Variants in PHTF1 observed in about 807,000 individuals in gnomAD.
The protein encoded by PHTF1 is putative homeodomain transcription factor 1.
PHTF1 carries 88 observed loss-of-function variants against 102.4 expected under a neutral mutation model. The ratio of observed to expected loss-of-function variants is 0.86; its 90% CI spans 0.72 to 1.03. The LOEUF is 1.03. PHTF1 is among the 50% of genes least tolerant of loss of function. PHTF1 has a pLI of 0.00. For missense variants in PHTF1, 814 were observed against 909.5 expected, an observed-to-expected ratio of 0.89 and a Z score of 1.35; for synonymous variants, 289 against 305.2, an observed-to-expected ratio of 0.95 and a Z score of 0.55.
intron 3 of PHTF1, among the ~76,000 whole-genome samples, chr1:113,755,563 G>A (rs922583182): frequency 9.2e-5 from 14 of 152,086 alleles, no homozygotes; most frequent in Non-Finnish European, 1.6e-4. Flanking sequence ...ATGAGAGAAC[G>A]AGTAAAAAAT....
At chr1:113,739,505 A>C (rs890500817) in intron 3 of PHTF1, among the ~76,000 whole-genome samples, 6 of 152,210 alleles carry the variant, frequency 3.9e-5, no homozygotes, top group African/African-American at 1.4e-4. Context: ...AGAATGTGAT[A>C]TTTCAATACA....
intron 7 of PHTF1, among the ~76,000 whole-genome samples, chr1:113,720,925 G>A (rs1248564974): frequency 6.6e-6 from 1 of 152,118 alleles, no homozygotes; most frequent in Non-Finnish European, 1.5e-5. Context: ...TGACTTCTGT[G>A]CACCTCTACA....
chr1:113,742,836 T>C (rs1166276212), intron 3 of PHTF1, among the ~76,000 whole-genome samples: 7 of 152,180 alleles, frequency 4.6e-5, no homozygotes, highest in Non-Finnish European at 1.0e-4. Flanking sequence ...TCTACAATAA[T>C]AACTTTTTTT....
intron 10 of PHTF1, among the ~76,000 whole-genome samples, chr1:113,710,810 AT>A (rs71590573): frequency 0.17 from 21,379 of 122,196 alleles, 2,279 homozygotes; most frequent in East Asian, 0.52. Flanking sequence ...ATATATATAT[AT>A]TTTTTTTTTT....
intron 16 of PHTF1, 89 bp downstream of exon 16, chr1:113,700,705 G>T: frequency 2.5e-6 from 3 of 1,221,320 alleles, no homozygotes; most frequent in South Asian, 1.4e-5. Flanking sequence ...CAGCTAGACA[G>T]TGATTAAACC....
In PHTF1 at chr1:113,705,980, A is replaced by G. The variant is rs1208405198; in HGVS notation, c.1581T>C (p.Ile527=). 7 of 1,613,830 alleles carry G rather than the reference A, an allele frequency of 4.3e-6. No individual in the cohort carries two copies. In the East Asian group the frequency reaches 1.6e-4, roughly 36 times the overall value. Residue 527 remains isoleucine, a synonymous_variant, in exon 13 of 19, where the codon ATT becomes ATC. Transcript: ENST00000369604. ...CAAAAAAATTAATTATCGACAAAACAATAATAGGTGTAACAGGTGGTGCCC... is the reference window on the plus strand; with the variant it reads ...CAAAAAAATTAATTATCGACAAAACGATAATAGGTGTAACAGGTGGTGCCC... ...FCGAPPVTPI[I]VLSIINFFER... is the part of the protein sequence containing the mutation.
intron 3 of PHTF1, among the ~76,000 whole-genome samples, chr1:113,739,105 G>A (rs958913492): frequency 3.3e-5 from 5 of 151,976 alleles, no homozygotes; most frequent in African/African-American, 4.8e-5. Context: ...TACCCACCTC[G>A]GCCTCCCAAA....
intron 3 of PHTF1, among the ~76,000 whole-genome samples, chr1:113,749,808 A>G (rs1002127072): frequency 2.0e-5 from 3 of 152,150 alleles, no homozygotes; most frequent in Non-Finnish European, 4.4e-5. Context: ...CAGGCACTTA[A>G]GAGTTTTACT....
chr1:113,708,547 C>T (rs1650564476), intron 11 of PHTF1, among the ~76,000 whole-genome samples: 1 of 152,058 alleles, frequency 6.6e-6, no homozygotes, highest in African/African-American at 2.4e-5. Flanking sequence ...GCAGGAGAAT[C>T]ACTTGAGCCT....
chr1:113,710,810 A>ATATATAT (rs1170593121), intron 10 of PHTF1, among the ~76,000 whole-genome samples: 1 of 122,712 alleles, frequency 8.1e-6, no homozygotes, highest in African/African-American at 3.0e-5. Context: ...ATATATATAT[A>ATATATAT]TTTTTTTTTT....
rs1009945161 is a variant in PHTF1, at chr1:113,750,493, G to T, written c.102+7206C>A. Among the ~76,000 whole-genome samples, 9 of 152,110 alleles carry T rather than the reference G, an allele frequency of 5.9e-5. No homozygotes were observed. In the East Asian group the frequency reaches 7.7e-4, roughly 13 times the overall value. ...AAAATAAAACACACAAAAAAGAAAA[G>T]ATAATATTAATTAATATTAATTAGA... On this transcript the variant is annotated intron_variant, in intron 3 of 18. Transcript: ENST00000369604.
At position 113,706,152 on chromosome 1, in the gene PHTF1, T is replaced by C. The variant is rs140067418; in HGVS notation, c.1409A>G (p.Tyr470Cys). Reference sequence around the variant, plus strand: ...CATCTGATAACCTACTCCTTGCTGATAGGCATTGACCTGTGAATTAATTTA... The same window carrying C: ...CATCTGATAACCTACTCCTTGCTGACAGGCATTGACCTGTGAATTAATTTA... ...SGIIMSRVNA[Y>C]QQGVGYQMLG... Residue 470 changes from tyrosine to cysteine, a missense_variant, in exon 13 of 19, where the codon TAT becomes TGT. Coordinates refer to ENST00000369604, the MANE Select transcript of PHTF1 (RefSeq NM_001323043.2). The C allele has an allele frequency of 5.0e-6, 8 of 1,611,618 alleles. No homozygotes were observed. The Admixed American group carries it at 6.7e-5, about 13-fold the overall frequency.
chr1:113,736,114 G>A (rs187572411), intron 5 of PHTF1, among the ~76,000 whole-genome samples: 6 of 152,080 alleles, frequency 3.9e-5, no homozygotes, highest in South Asian at 2.1e-4. Context: ...AGACCGAGGC[G>A]GGCGGATAGC....
chr1:113,755,692 T>C (rs183938019), intron 3 of PHTF1, among the ~76,000 whole-genome samples: 184 of 152,200 alleles, frequency 1.2e-3, no homozygotes, highest in Middle Eastern at 3.4e-3. Context: ...TGAACACACA[T>C]AGGTTAACAA....
In PHTF1 at chr1:113,759,097, G is replaced by C; in HGVS notation, c.-105C>G. On this transcript the variant is annotated 5_prime_UTR_variant, in exon 1 of 19. Coordinates refer to ENST00000369604, the MANE Select transcript of PHTF1 (RefSeq NM_001323043.2). Reference sequence around the variant, plus strand: ...GCCCGGGGTCCCACCGTGAGGCCGGGGGCGAGGCGGCGGGCCAGGCAGGCC... The same window carrying C: ...GCCCGGGGTCCCACCGTGAGGCCGGCGGCGAGGCGGCGGGCCAGGCAGGCC... The C allele has an allele frequency of 1.0e-6, 1 of 990,882 alleles. No homozygotes were observed. Among genetic ancestry groups the C allele is most frequent in the Non-Finnish European group, 1.2e-6 (1 of 833,718 alleles). The allele number at this position is 990,882 out of a possible 1,614,324, so 61.4% of individuals were successfully genotyped here.
chr1:113,752,340 C>G (rs937968945), intron 3 of PHTF1, among the ~76,000 whole-genome samples: 1 of 139,780 alleles, frequency 7.2e-6, no homozygotes, highest in African/African-American at 2.7e-5. Flanking sequence ...TTTTTGTGTA[C>G]TGATCTTGTA....
At chr1:113,743,331 A>T (rs890470614) in intron 3 of PHTF1, among the ~76,000 whole-genome samples, 1 of 151,602 alleles carries the variant, frequency 6.6e-6, no homozygotes, top group African/African-American at 2.4e-5. Flanking sequence ...ATTGTCTCCC[A>T]CCTCCATATC....
intron 3 of PHTF1, among the ~76,000 whole-genome samples, chr1:113,750,673 T>C (rs551693376): frequency 7.8e-4 from 117 of 150,580 alleles, no homozygotes; most frequent in African/African-American, 2.5e-3. Context: ...CTGGCCAACA[T>C]GGTGAAACCC....
At chr1:113,730,972 T>C (rs950406329) in intron 5 of PHTF1, among the ~76,000 whole-genome samples, 2 of 152,260 alleles carry the variant, frequency 1.3e-5, no homozygotes, top group Admixed American at 6.5e-5. Flanking sequence ...GTCAAAATCA[T>C]AGAGGCAAGG....
Sources: gnomAD v4.1 joint callset for allele counts (sites outside exome capture counted in the v4.1 genomes callset) on GRCh38, gnomAD v4.1.1 for gene constraint, MANE v1.5 for transcripts, NCBI Gene and HGNC (gene_info 2026-07-23, HGNC 2026-07-21) for gene names.